Variants in CAST observed in about 807,000 individuals in gnomAD.
CAST encodes the protein calpastatin.
In CAST, 76 loss-of-function variants were observed where a neutral mutation model predicts 119.6. That is an observed-to-expected ratio of 0.64 (90% CI 0.53 to 0.77). CAST has a LOEUF of 0.77. Among genes scored for constraint, CAST ranks in the 30% least tolerant of loss-of-function variants. The pLI is 0.00. For missense variants in CAST, 953 were observed against 946.5 expected (o/e 1.01, Z -0.09); for synonymous variants, 319 against 331.6 (o/e 0.96, Z 0.41).
At chr5:96,620,010 T>C (rs182127146) in intron 1 of CAST, among the ~76,000 whole-genome samples, 237 of 152,354 alleles carry the variant, frequency 1.6e-3, no homozygotes, top group African/African-American at 4.6e-3. Context: ...AGGGCTCTCA[T>C]GAAAATTACA....
the CAST span, among the ~76,000 whole-genome samples, chr5:96,331,389 TTC>T: frequency 1.3e-4 from 20 of 152,326 alleles, no homozygotes; most frequent in Non-Finnish European, 2.8e-4. Flanking sequence ...CATCCCCCAC[TTC>T]TAAGTTATGC....
At chr5:96,025,942 A>T in the CAST span, among the ~76,000 whole-genome samples, 1 of 152,150 alleles carries the variant, frequency 6.6e-6, no homozygotes. Context: ...ATTCTAACTA[A>T]ATCATAGAGG....
chr5:96,271,058 C>G, the CAST span, among the ~76,000 whole-genome samples: 1 of 151,536 alleles, frequency 6.6e-6, no homozygotes, highest in South Asian at 2.1e-4. Context: ...ATAAAATGAT[C>G]CAGAAGCAGT....
chr5:96,720,724 A>G (rs1256710129), intron 3 of CAST, among the ~76,000 whole-genome samples: 2 of 152,224 alleles, frequency 1.3e-5, no homozygotes, highest in Non-Finnish European at 2.9e-5. Flanking sequence ...GAATTTGAGG[A>G]TCACTTCAAG....
the CAST span, among the ~76,000 whole-genome samples, chr5:96,399,687 G>A: frequency 6.6e-6 from 1 of 152,200 alleles, no homozygotes; most frequent in Non-Finnish European, 1.5e-5. Flanking sequence ...GTTGATCACA[G>A]TTTAATTGAC....
At chr5:96,610,551 C>A (rs1747341995) in intron 1 of CAST, among the ~76,000 whole-genome samples, 1 of 152,148 alleles carries the variant, frequency 6.6e-6, no homozygotes, top group African/African-American at 2.4e-5. Flanking sequence ...AGCAGACCCA[C>A]AATGAACATC....
chr5:96,034,890 A>C, the CAST span, among the ~76,000 whole-genome samples: 1 of 151,332 alleles, frequency 6.6e-6, no homozygotes, highest in Admixed American at 6.6e-5. Flanking sequence ...GCCTGGCTTA[A>C]TACATACATT....
chr5:96,685,310 G>A (rs929547100), intron 2 of CAST, among the ~76,000 whole-genome samples: 1 of 152,082 alleles, frequency 6.6e-6, no homozygotes, highest in Non-Finnish European at 1.5e-5. Flanking sequence ...TATTATTCCA[G>A]AAATAACATG....
At chr5:96,657,021 C>G (rs1748168690) in intron 1 of CAST, among the ~76,000 whole-genome samples, 1 of 496 alleles carries the variant, frequency 2.0e-3, no homozygotes, top group African/African-American at 9.3e-3. Context: ...ATAATCTGAG[C>G]TGGAAACAAA....
At chr5:96,659,887 A>G (rs185608957), upstream of CAST, among the ~76,000 whole-genome samples, 102 of 152,308 alleles carry the variant, frequency 6.7e-4, 1 homozygote, top group East Asian at 0.018. Context: ...CAAAGTTCCA[A>G]TAATTCTTCA....
the CAST span, among the ~76,000 whole-genome samples, chr5:96,226,910 T>A: frequency 1.3e-5 from 2 of 152,186 alleles, no homozygotes; most frequent in African/African-American, 2.4e-5. Flanking sequence ...AAACAAGCAC[T>A]TTTGCATGGT....
intron 1 of CAST, among the ~76,000 whole-genome samples, chr5:96,616,606 C>T (rs1747459030): frequency 6.6e-6 from 1 of 152,122 alleles, no homozygotes; most frequent in South Asian, 2.1e-4. Flanking sequence ...AAGAGAACAG[C>T]AGCTTAGCAG....
the CAST span, chr5:96,425,973 T>G: frequency 9.6e-6 from 10 of 1,041,458 alleles, no homozygotes; most frequent in Non-Finnish European, 1.5e-5. Context: ...GTCAAATATC[T>G]ACCTCTGTAT....
the CAST span, among the ~76,000 whole-genome samples, chr5:96,359,455 T>C: frequency 1.3e-5 from 2 of 152,248 alleles, no homozygotes; most frequent in Non-Finnish European, 2.9e-5. Context: ...TGGTATGTTT[T>C]TGCAGTGGCT....
the CAST span, among the ~76,000 whole-genome samples, chr5:96,112,478 A>G: frequency 6.6e-6 from 1 of 152,228 alleles, no homozygotes; most frequent in South Asian, 2.1e-4. Context: ...GAGAGCAGGG[A>G]CTGTATTTGA....
At chr5:96,450,248 A>T in the CAST span, among the ~76,000 whole-genome samples, 3 of 152,216 alleles carry the variant, frequency 2.0e-5, no homozygotes, top group Non-Finnish European at 4.4e-5. Flanking sequence ...ACATCATGGA[A>T]CACTACTCAG....
At chr5:96,632,826 A>T (rs1747839217) in intron 1 of CAST, among the ~76,000 whole-genome samples, 1 of 152,172 alleles carries the variant, frequency 6.6e-6, no homozygotes, top group Admixed American at 6.5e-5. Context: ...CGCTGTATTG[A>T]TAGTAAGTTT....
At chr5:96,345,255 C>A in the CAST span, among the ~76,000 whole-genome samples, 2 of 151,854 alleles carry the variant, frequency 1.3e-5, no homozygotes, top group South Asian at 2.1e-4. Flanking sequence ...TTAACCTAAT[C>A]TACTCTTTTT....
chr5:96,069,932 G>A, the CAST span, among the ~76,000 whole-genome samples: 3 of 151,980 alleles, frequency 2.0e-5, no homozygotes, highest in African/African-American at 7.3e-5. Flanking sequence ...TGAGAGGATC[G>A]CTTGAAGCCA....
Sources: allele counts gnomAD v4.1 joint callset (sites outside exome capture counted in the v4.1 genomes callset), GRCh38; gene constraint gnomAD v4.1.1; transcripts MANE v1.5; gene names NCBI Gene and HGNC (gene_info 2026-07-23, HGNC 2026-07-21).